Variants in CUX1 observed in about 807,000 individuals in gnomAD.
CUX1 encodes cut like homeobox 1, also known as protein CASP.
In CUX1, 31 loss-of-function variants were observed where a neutral mutation model predicts 158.8. The ratio of observed to expected loss-of-function variants is 0.20; its 90% CI spans 0.15 to 0.26. The LOEUF is 0.26. Among genes scored for constraint, CUX1 ranks in the 10% least tolerant of loss-of-function variants. The pLI, the probability that CUX1 is intolerant of heterozygous loss-of-function variation, is 1.00. For synonymous variants in CUX1, 879 were observed against 862.1 expected (o/e 1.02, Z -0.34); for missense variants, 1,589 against 2,014.6 (o/e 0.79, Z 4.04).
At chr7:101,823,276 G>A (rs1792878767) in intron 1 of CUX1, among the ~76,000 whole-genome samples, 1 of 152,150 alleles carries the variant, frequency 6.6e-6, no homozygotes, top group Non-Finnish European at 1.5e-5. Context: ...ACAGGTGACT[G>A]GAACGGAGCC....
upstream of CUX1, chr7:101,816,913 G>A (rs996685377): frequency 5.2e-5 from 51 of 980,874 alleles, no homozygotes; most frequent in East Asian, 2.3e-4. Context: ...TGTGGCTCCC[G>A]GCGCGGACCC....
intron 4 of CUX1, among the ~76,000 whole-genome samples, chr7:102,085,543 C>A (rs1174274566): frequency 6.6e-6 from 1 of 152,160 alleles, no homozygotes. Flanking sequence ...TTCCTGCTGC[C>A]ATGTGAGGAA....
intron 3 of CUX1, among the ~76,000 whole-genome samples, chr7:102,041,321 A>C (rs1822067284): frequency 8.1e-6 from 1 of 123,634 alleles, no homozygotes. Context: ...GCTGGAGTGC[A>C]GTGGCTCACC....
Position 102,249,560 on chromosome 7 carries a change from G to T in CUX1, c.*518G>T. On this transcript the variant is annotated 3_prime_UTR_variant, in exon 24 of 24. Coordinates refer to ENST00000292535, the MANE Select transcript of CUX1 (RefSeq NM_181552.4). ...GCTTTGCCTTGTGTCCTCCTGTTCC[G>T]TGTGGGCTTTAAAAGAAAAAAAATC... is the stretch of plus-strand genomic sequence containing the variant. The T allele has an allele frequency of 1.0e-6, 1 of 985,570 alleles. No individual in the cohort carries two copies. 61.1% of individuals were successfully genotyped at this position (985,570 alleles called of 1,614,324 possible). A position where few individuals can be genotyped will look rare whatever the true frequency, so the allele number is the denominator to read the frequency against.
chr7:102,171,115 GC>G (rs1420773821), intron 10 of CUX1, among the ~76,000 whole-genome samples: 1 of 152,166 alleles, frequency 6.6e-6, no homozygotes, highest in Non-Finnish European at 1.5e-5. Context: ...AACATTCCCA[GC>G]TCGATCAAGG....
At chr7:101,984,003 C>T (rs890275033) in intron 2 of CUX1, among the ~76,000 whole-genome samples, 2 of 146,296 alleles carry the variant, frequency 1.4e-5, no homozygotes, top group South Asian at 4.3e-4. Context: ...CACTGCACTA[C>T]AGCCTGGGTG....
intron 16 of CUX1, 53 bp from the exon 17 acceptor site, chr7:102,200,018 G>T: frequency 6.7e-7 from 1 of 1,501,726 alleles, no homozygotes; most frequent in Non-Finnish European, 9.1e-7. Context: ...GCGCAGCGCT[G>T]ATTTTTGTCC....
intron 4 of CUX1, among the ~76,000 whole-genome samples, chr7:102,090,527 A>G (rs1828457471): frequency 6.6e-6 from 1 of 151,958 alleles, no homozygotes; most frequent in Admixed American, 6.6e-5. Context: ...AGCTGGGACT[A>G]CAGGAGCCCG....
At chr7:102,215,567 T>G (rs1454315255) in intron 20 of CUX1, among the ~76,000 whole-genome samples, 1 of 152,194 alleles carries the variant, frequency 6.6e-6, no homozygotes, top group African/African-American at 2.4e-5. Context: ...TAAGTACCCT[T>G]TCTCAACAAT....
At chr7:102,274,327 C>T (rs782349597) in intron 16 of CUX1, 2 of 1,608,056 alleles carry the variant, frequency 1.2e-6, no homozygotes, top group Admixed American at 1.7e-5. Flanking sequence ...AGAGGCCTGA[C>T]CCATGGGAGG....
At chr7:101,928,699 C>T (rs1400316300) in intron 2 of CUX1, among the ~76,000 whole-genome samples, 4 of 135,170 alleles carry the variant, frequency 3.0e-5, no homozygotes, top group African/African-American at 1.1e-4. Context: ...GAGACGGAGT[C>T]TCGCTCTGTC....
intron 22 of CUX1, among the ~76,000 whole-genome samples, chr7:102,238,235 G>A (rs6953505): frequency 0.027 from 4,144 of 151,804 alleles, 204 homozygotes; most frequent in African/African-American, 0.095. Flanking sequence ...CCCTTTCCCG[G>A]TCTGCTAAGT....
intron 4 of CUX1, among the ~76,000 whole-genome samples, chr7:102,094,574 G>C (rs143710112): frequency 9.8e-5 from 15 of 152,318 alleles, no homozygotes; most frequent in African/African-American, 3.4e-4. Context: ...TGGGGTCCTG[G>C]CCTTTTGAAA....
At chr7:102,154,636 C>CAATAAA (rs1836064178) in intron 8 of CUX1, among the ~76,000 whole-genome samples, 1 of 135,084 alleles carries the variant, frequency 7.4e-6, no homozygotes. Flanking sequence ...AAATAAATAG[C>CAATAAA]TAAAGACCAG....
intron 21 of CUX1, among the ~76,000 whole-genome samples, chr7:102,229,984 C>A (rs1798791161): frequency 1.3e-5 from 2 of 152,154 alleles, no homozygotes; most frequent in African/African-American, 4.8e-5. Context: ...GGCAGGGTTC[C>A]CTGGTTTAGG....
chr7:102,142,001 C>T (rs920177132), intron 8 of CUX1, among the ~76,000 whole-genome samples: 16 of 151,948 alleles, frequency 1.1e-4, no homozygotes, highest in African/African-American at 3.6e-4. Flanking sequence ...ATTAGAAACC[C>T]TTGTACTTGG....
intron 1 of CUX1, among the ~76,000 whole-genome samples, chr7:101,892,715 G>A (rs1364695511): frequency 6.6e-6 from 1 of 152,020 alleles, no homozygotes; most frequent in South Asian, 2.1e-4. Context: ...TCATTTTTGT[G>A]TATAATTTTG....
At chr7:102,233,056 C>T (rs1288666525) in intron 21 of CUX1, among the ~76,000 whole-genome samples, 3 of 152,076 alleles carry the variant, frequency 2.0e-5, no homozygotes, top group African/African-American at 4.8e-5. Flanking sequence ...TGAGGTTGTA[C>T]AAGAGAGGTC....
chr7:102,019,848 T>C (rs190382148), intron 2 of CUX1, among the ~76,000 whole-genome samples: 19 of 152,326 alleles, frequency 1.2e-4, no homozygotes, highest in Admixed American at 1.2e-3. Context: ...TCTTATTTAA[T>C]AACCAAAAAA....
Sources: allele counts gnomAD v4.1 joint callset (sites outside exome capture counted in the v4.1 genomes callset), GRCh38; gene constraint gnomAD v4.1.1; transcripts MANE v1.5; gene names NCBI Gene and HGNC (gene_info 2026-07-23, HGNC 2026-07-21).